Variants in RNF213 observed in about 807,000 individuals in gnomAD.
The protein encoded by RNF213 is ring finger protein 213, also known as E3 ubiquitin-protein ligase RNF213.
A neutral mutation model predicts 514.4 loss-of-function variants in RNF213; 341 were observed. That is an observed-to-expected ratio of 0.66 (90% CI 0.61 to 0.73). The LOEUF (loss-of-function observed/expected upper bound fraction) is 0.73. Among genes scored for constraint, RNF213 ranks in the 30% least tolerant of loss-of-function variants. RNF213 has a pLI of 0.00. For missense variants in RNF213, 5,767 were observed against 6,615.6 expected (o/e 0.87, Z 4.45); for synonymous variants, 2,655 against 2,658.2 (o/e 1.00, Z 0.04).
In RNF213 at chr17:80,263,237, T is replaced by C. The variant is rs1289774985; in HGVS notation, c.-108-337T>C. Among the ~76,000 whole-genome samples, 1 of 152,122 alleles carries C rather than the reference T, an allele frequency of 6.6e-6. No individual in the cohort carries two copies. The highest frequency in any genetic ancestry group is 1.5e-5 in the Non-Finnish European group (1 of 68,004). ...GGCTGCCTGCTCAGGCCCCATCACC[T>C]GTGGGGCAGGTGCTTTAGTCCCCTT... is the stretch of plus-strand genomic sequence containing the variant. On this transcript the variant is annotated intron_variant, in intron 1 of 67. Coordinates refer to ENST00000582970, the MANE Select transcript of RNF213 (RefSeq NM_001256071.3). This position sits in a 1 kb window ranked among gnomAD's most constrained non-coding sequence, Gnocchi z 4.9.
At chr17:80,326,466 C>G (rs1207323343) in intron 18 of RNF213, among the ~76,000 whole-genome samples, 1 of 152,198 alleles carries the variant, frequency 6.6e-6, no homozygotes. Flanking sequence ...ATTGATAACA[C>G]TGTTATTAAC....
At position 80,272,182 on chromosome 17, in the gene RNF213, G is replaced by C. The variant is rs143336602; in HGVS notation, c.98-1059G>C. ...ACCTGTAATCCCAGCTACTTGGGAG[G>C]CCGAGGCAGGAGAATTGCTTGAACC... On this transcript the variant is annotated intron_variant, in intron 2 of 67. Transcript: ENST00000582970. 6.8e-3 allele frequency among the ~76,000 whole-genome samples: 1,027 copies of C among 152,102 alleles called. 10 individuals carry two copies. The highest frequency in any genetic ancestry group is 0.024 in the African/African-American group (996 of 41,476).
chr17:80,295,935 AT>A, intron 10 of RNF213, 122 bp downstream of exon 10: 1 of 1,046,476 alleles, frequency 9.6e-7, no homozygotes, highest in Non-Finnish European at 1.4e-6. Flanking sequence ...ACCACCCGTG[AT>A]TTTACCACTC....
chr17:80,262,014 A>C (rs796923986), intron 1 of RNF213, among the ~76,000 whole-genome samples: 31 of 152,286 alleles, frequency 2.0e-4, no homozygotes, highest in African/African-American at 6.7e-4. Context: ...AAACAAACAA[A>C]AAATGCTTTT....
intron 2 of RNF213, among the ~76,000 whole-genome samples, chr17:80,272,536 G>A (rs1010518846): frequency 6.6e-6 from 1 of 152,182 alleles, no homozygotes; most frequent in African/African-American, 2.4e-5. Flanking sequence ...CCTCTCAAGA[G>A]TAAACCCATG....
At chr17:80,305,407 A>G (rs977352759) in intron 11 of RNF213, among the ~76,000 whole-genome samples, 17 of 151,106 alleles carry the variant, frequency 1.1e-4, no homozygotes, top group South Asian at 6.3e-4. Context: ...TGAACTCCCA[A>G]CCTCAGGTGA....
intron 11 of RNF213, among the ~76,000 whole-genome samples, chr17:80,299,122 C>T (rs1320564273): frequency 2.0e-5 from 3 of 152,182 alleles, no homozygotes; most frequent in Non-Finnish European, 4.4e-5. Flanking sequence ...AGAACAACAA[C>T]AAATGATGTG....
At position 80,346,162 on chromosome 17, in the gene RNF213, A is replaced by G; in HGVS notation, c.7827A>G (p.Glu2609=). 1 of 1,614,190 alleles carries G rather than the reference A, an allele frequency of 6.2e-7. No individual in the cohort carries two copies. Among genetic ancestry groups the G allele is most frequent in the Non-Finnish European group, 8.5e-7 (1 of 1,180,026 alleles). ...QRLVESISLD[E]NGTRVITEVL... ...TGGTTGAGTCCATCAGCCTAGATGA[A>G]AACGGGACTCGCGTGATCACAGAAG... Residue 2609 remains glutamate, a synonymous_variant, in exon 29 of 68, where the codon GAA becomes GAG. Coordinates refer to ENST00000582970, the MANE Select transcript of RNF213 (RefSeq NM_001256071.3). The surrounding 1 kb of genome is among the most constrained non-coding windows in gnomAD (Gnocchi z 8.1).
At chr17:80,311,255 G>C (rs973603061) in intron 14 of RNF213, among the ~76,000 whole-genome samples, 1 of 152,176 alleles carries the variant, frequency 6.6e-6, no homozygotes, top group Non-Finnish European at 1.5e-5. Flanking sequence ...AATACGTGAC[G>C]CATGTTGAAG....
At chr17:80,369,441 A>G (rs944152092) in intron 44 of RNF213, 61 bp from the exon 45 acceptor site, 5 of 1,457,268 alleles carry the variant, frequency 3.4e-6, no homozygotes, top group African/African-American at 1.4e-5. Flanking sequence ...ATCTCAAGTC[A>G]TTCTGTAAGG....
rs967598839 is a variant in RNF213 at position 80,317,497 on chromosome 17, G to C, written c.2901+220G>C. 6.6e-6 allele frequency among the ~76,000 whole-genome samples: 1 copy of C among 152,176 alleles called. No homozygotes were observed. The highest frequency in any genetic ancestry group is 1.5e-5 in the Non-Finnish European group (1 of 68,036). On this transcript the variant is annotated intron_variant, in intron 16 of 67. Coordinates refer to ENST00000582970, the MANE Select transcript of RNF213 (RefSeq NM_001256071.3). The surrounding 1 kb of genome is among the most constrained non-coding windows in gnomAD (Gnocchi z 4.1). ...AGGACAGAGAAGAACAAGGGCCCAG[G>C]ATCTCACCATCATGGGGGTGCGGGA... is the stretch of plus-strand genomic sequence containing the variant.
Position 80,344,767 on chromosome 17 carries a change from T to C in RNF213, c.6432T>C (p.Ser2144=). 1 of 1,614,166 alleles carries C rather than the reference T, an allele frequency of 6.2e-7. No homozygotes were observed. Among genetic ancestry groups the C allele is most frequent in the East Asian group, 2.2e-5 (1 of 44,884 alleles). The change falls in exon 29 of 68, where the codon AGT becomes AGC. Residue 2144 remains serine, a synonymous_variant. Transcript: ENST00000582970. ...PPKEVIDMEL[S]ALRSDTEPGM... ...AAGAGGTGATAGACATGGAGCTGAG[T>C]GCCCTGAGGAGTGACACAGAGCCTG... is the stretch of plus-strand genomic sequence containing the variant.
In RNF213 at chr17:80,397,405, GA is replaced by G. The variant is rs1259060569; in HGVS notation, c.*3910del. ...AGAGAGAAGTAAAAACTAAAAGGCA[GA>G]AATGAAATCCACAAGCAGACAGCCT... On this transcript the variant is annotated 3_prime_UTR_variant, in exon 68 of 68. Coordinates refer to ENST00000582970, the MANE Select transcript of RNF213 (RefSeq NM_001256071.3). 6.6e-6 allele frequency: 1 copy of G among 152,114 alleles called. No homozygotes were observed. The highest frequency in any genetic ancestry group is 1.9e-4 in the East Asian group (1 of 5,186). 9.4% of individuals were successfully genotyped at this position (152,114 alleles called of 1,614,324 possible).
intron 21 of RNF213, 132 bp from the exon 22 acceptor site, chr17:80,333,973 C>T: frequency 2.1e-6 from 2 of 960,410 alleles, no homozygotes; most frequent in East Asian, 2.6e-5. Flanking sequence ...CTTGGTGTGC[C>T]TGTTGTCACA....
In RNF213 at chr17:80,371,912, C is replaced by G. The variant is rs2079532791; in HGVS notation, c.12464C>G (p.Thr4155Ser). 1.3e-6 allele frequency: 2 copies of G among 1,576,964 alleles called. No individual in the cohort carries two copies. Among genetic ancestry groups the G allele is most frequent in the East Asian group, 2.2e-5 (1 of 44,674 alleles). The part of the protein sequence containing the change: ...DVKDYIQEYL[T>S]LLKKKAFITE... ...AAAGATTATATTCAGGAATATTTGA[C>G]CCTGTTAAAAAAGAAAGCATTCATA... Residue 4155 changes from threonine (T) to serine (S), a missense_variant, in exon 47 of 68, where the codon ACC (threonine) becomes AGC (serine). Around this residue, in one of 13 missense-constraint regions of RNF213, gnomAD observed 1,245 missense variants for 1,339.0 expected, o/e 0.93. Coordinates refer to ENST00000582970, the MANE Select transcript of RNF213 (RefSeq NM_001256071.3).
intron 1 of RNF213, among the ~76,000 whole-genome samples, chr17:80,262,915 G>T (rs2043474813): frequency 6.6e-6 from 1 of 152,176 alleles, no homozygotes; most frequent in South Asian, 2.1e-4. Context: ...GGAGTTCTTT[G>T]GTTCCAAGCC....
At position 80,377,635 on chromosome 17, in the gene RNF213, G is replaced by A; in HGVS notation, c.13511-127G>A. On this transcript the variant is annotated intron_variant, in intron 53 of 67. Transcript: ENST00000582970. This position sits in a 1 kb window ranked among gnomAD's most constrained non-coding sequence, Gnocchi z 4.1. ...GTCATGTAACTTAACAAATTAGCGT[G>A]GGATGCTCTGGACAGTCATTCTCAT... 1 of 971,382 alleles carries A rather than the reference G, an allele frequency of 1.0e-6. No individual in the cohort carries two copies. The allele number at this position is 971,382 out of a possible 1,614,324, so 60.2% of individuals were successfully genotyped here.
chr17:80,273,160 C>T (rs2043883670), intron 2 of RNF213, 81 bp from the exon 3 acceptor site: 1 of 1,566,894 alleles, frequency 6.4e-7, no homozygotes, highest in African/African-American at 1.4e-5. Context: ...TCTCCATGCA[C>T]TCGTGGGGAG....
In RNF213 at chr17:80,291,111, C is replaced by T. The variant is rs182230203; in HGVS notation, c.1271+383C>T. On this transcript the variant is annotated intron_variant, in intron 7 of 67. Coordinates refer to ENST00000582970, the MANE Select transcript of RNF213 (RefSeq NM_001256071.3). Reference sequence around the variant, plus strand: ...ACAGGCATGAGCCACTGCGCCCAGCCTTTAAATAATTTTTATCCAGTGAGT... The same window carrying T: ...ACAGGCATGAGCCACTGCGCCCAGCTTTTAAATAATTTTTATCCAGTGAGT... Among the ~76,000 whole-genome samples, 325 of 152,268 alleles carry T rather than the reference C, an allele frequency of 2.1e-3. 1 individual carries two copies. Among genetic ancestry groups the T allele is most frequent in the African/African-American group, 7.7e-3 (318 of 41,546 alleles).
Sources: allele counts gnomAD v4.1 joint callset (sites outside exome capture counted in the v4.1 genomes callset), GRCh38; gene constraint gnomAD v4.1.1; regional missense constraint gnomAD v4.1.1; non-coding constraint Gnocchi (gnomAD v3.1); transcripts MANE v1.5; gene names NCBI Gene and HGNC (gene_info 2026-07-23, HGNC 2026-07-21).